The following GABRA2 variants were observed in gnomAD, a reference collection of about 807,000 sequenced individuals.
GABRA2 encodes gamma-aminobutyric acid receptor subunit alpha-2.
Under a neutral mutation model 48.7 loss-of-function variants are expected in GABRA2, and 16 were observed. That is an observed-to-expected ratio of 0.33 (90% CI 0.22 to 0.50). The LOEUF (loss-of-function observed/expected upper bound fraction) is 0.50. Among genes scored for constraint, GABRA2 ranks in the 20% least tolerant of loss-of-function variants. The pLI is 0.98. For missense variants in GABRA2, 275 were observed against 535.6 expected (o/e 0.51, Z 4.80); for synonymous variants, 185 against 184.5 (o/e 1.00, Z -0.02).
rs1207381186 is a variant in GABRA2 at position 46,310,226 on chromosome 4, T to G, written c.506A>C (p.His169Pro). The G allele has an allele frequency of 6.2e-7, 1 of 1,613,792 alleles. No homozygotes were observed. Among genetic ancestry groups the G allele is most frequent in the Non-Finnish European group, 8.5e-7 (1 of 1,179,782 alleles). The change falls in exon 6 of 10, where the codon CAC (histidine) becomes CCC (proline). Residue 169 changes from histidine to proline, a missense_variant. Coordinates refer to ENST00000381620, the MANE Select transcript of GABRA2 (RefSeq NM_000807.4). ...AGCATCCATTGGGAAATCCTCCAAG[T>G]GCATTGGGCATTCAGCTTGAACTGT... The part of the protein sequence containing the change: ...RLTVQAECPM[H>P]LEDFPMDAHS...
chr4:46,373,557 G>T (rs905165738), intron 3 of GABRA2, among the ~76,000 whole-genome samples: 1 of 151,956 alleles, frequency 6.6e-6, no homozygotes, highest in African/African-American at 2.4e-5. Context: ...TAATAATATG[G>T]TTCTATATAT....
At chr4:46,370,967 T>C (rs933306465) in intron 3 of GABRA2, among the ~76,000 whole-genome samples, 1 of 152,082 alleles carries the variant, frequency 6.6e-6, no homozygotes, top group African/African-American at 2.4e-5. Flanking sequence ...TGTAGGTTAC[T>C]GAACTACAGT....
intron 8 of GABRA2, among the ~76,000 whole-genome samples, chr4:46,298,581 C>T (rs922697763): frequency 1.6e-4 from 24 of 152,008 alleles, no homozygotes; most frequent in African/African-American, 5.3e-4. Flanking sequence ...CCCACTTATC[C>T]GTTATTTATT....
chr4:46,256,926 A>G (rs1301170696), intron 9 of GABRA2, among the ~76,000 whole-genome samples: 2 of 151,666 alleles, frequency 1.3e-5, no homozygotes, highest in Non-Finnish European at 3.0e-5. Flanking sequence ...GTAAATTATT[A>G]TCTAGTGTTT....
chr4:46,379,958 C>G (rs1236522242), intron 3 of GABRA2, among the ~76,000 whole-genome samples: 1 of 152,150 alleles, frequency 6.6e-6, no homozygotes, highest in Non-Finnish European at 1.5e-5. Context: ...CATGTTCTCT[C>G]TCTCTCGATG....
Position 46,249,896 on chromosome 4 carries a change from G to A in GABRA2, c.*412C>T, listed in dbSNP as rs1315772181. On this transcript the variant is annotated 3_prime_UTR_variant, in exon 10 of 10. Coordinates refer to ENST00000381620, the MANE Select transcript of GABRA2 (RefSeq NM_000807.4). ...AGATACAATGTTTGTTACTTCAAAGGATTCATCTAGGAATGACAATGTTAT... is the reference window on the plus strand; with the variant it reads ...AGATACAATGTTTGTTACTTCAAAGAATTCATCTAGGAATGACAATGTTAT... The A allele has an allele frequency of 6.1e-6, 1 of 164,732 alleles. No homozygotes were observed. Among genetic ancestry groups the A allele is most frequent in the South Asian group, 1.6e-4 (1 of 6,244 alleles). The allele number at this position is 164,732 out of a possible 1,614,324, so 10.2% of individuals were successfully genotyped here.
intron 4 of GABRA2, among the ~76,000 whole-genome samples, chr4:46,325,770 T>C (rs1730252453): frequency 6.6e-6 from 1 of 151,906 alleles, no homozygotes; most frequent in South Asian, 2.1e-4. Context: ...AAAAGAAGGG[T>C]CCAGTTTCAG....
chr4:46,273,396 G>GTGTA (rs1290222933), intron 8 of GABRA2, among the ~76,000 whole-genome samples: 1 of 148,204 alleles, frequency 6.7e-6, no homozygotes, highest in Non-Finnish European at 1.5e-5. Flanking sequence ...GTGTGTGTGT[G>GTGTA]TGTGTGTATG....
At chr4:46,297,640 C>CT (rs1725004029) in intron 8 of GABRA2, among the ~76,000 whole-genome samples, 2 of 150,846 alleles carry the variant, frequency 1.3e-5, no homozygotes, top group South Asian at 4.2e-4. Context: ...AATTTTCTCT[C>CT]TTTTTCTGAG....
chr4:46,305,054 A>G (rs1383046299), intron 7 of GABRA2, among the ~76,000 whole-genome samples: 2 of 152,000 alleles, frequency 1.3e-5, no homozygotes, highest in Non-Finnish European at 2.9e-5. Flanking sequence ...GCAACTATTA[A>G]TCTTTGAATC....
At chr4:46,259,061 C>T (rs1218851827) in intron 9 of GABRA2, among the ~76,000 whole-genome samples, 2 of 151,592 alleles carry the variant, frequency 1.3e-5, no homozygotes, top group Admixed American at 6.6e-5. Flanking sequence ...TCTTCATAAG[C>T]TGAAAGAAAG....
rs1713746183 is a variant in GABRA2, at chr4:46,246,557, G to T, written c.*3751C>A. Among the ~76,000 whole-genome samples, 1 of 151,044 alleles carries T rather than the reference G, an allele frequency of 6.6e-6. No homozygotes were observed. The highest frequency in any genetic ancestry group is 2.4e-5 in the African/African-American group (1 of 41,316). On this transcript the variant is annotated 3_prime_UTR_variant, in exon 10 of 10. Transcript: ENST00000381620. ...GTGCCTATGGGACCTCAATTAAAAGGAAAATGAATGGCACTATAGGGTAGC... is the reference window on the plus strand; with the variant it reads ...GTGCCTATGGGACCTCAATTAAAAGTAAAATGAATGGCACTATAGGGTAGC...
intron 3 of GABRA2, among the ~76,000 whole-genome samples, chr4:46,360,242 T>C (rs1239658247): frequency 6.6e-6 from 1 of 152,206 alleles, no homozygotes; most frequent in African/African-American, 2.4e-5. Context: ...AATTATGATA[T>C]AGTTTGGCTG....
intron 8 of GABRA2, among the ~76,000 whole-genome samples, chr4:46,269,901 A>G (rs1460696575): frequency 2.6e-5 from 4 of 151,924 alleles, no homozygotes; most frequent in Non-Finnish European, 4.4e-5. Context: ...TAATACAACA[A>G]TTTTAATTTA....
chr4:46,298,367 A>AT (rs1725135398), intron 8 of GABRA2, among the ~76,000 whole-genome samples: 1 of 151,874 alleles, frequency 6.6e-6, no homozygotes, highest in African/African-American at 2.4e-5. Context: ...CTTAACATAT[A>AT]TTTTTCTTAC....
chr4:46,311,419 A>T (rs1200947472), intron 5 of GABRA2, among the ~76,000 whole-genome samples: 1 of 152,224 alleles, frequency 6.6e-6, no homozygotes, highest in Non-Finnish European at 1.5e-5. Flanking sequence ...TTCTGTCTAT[A>T]TATAATGCTG....
At chr4:46,328,035 C>G (rs149631765) in intron 4 of GABRA2, among the ~76,000 whole-genome samples, 1 of 151,376 alleles carries the variant, frequency 6.6e-6, no homozygotes, top group Non-Finnish European at 1.5e-5. Context: ...ATATAGAAAC[C>G]AAGGAAAAAG....
At chr4:46,318,438 T>C (rs992657518) in intron 4 of GABRA2, among the ~76,000 whole-genome samples, 2 of 151,516 alleles carry the variant, frequency 1.3e-5, no homozygotes, top group African/African-American at 2.4e-5. Context: ...TAAAATAATA[T>C]TCTTTGCATA....
rs148116490 is a variant in GABRA2, at chr4:46,317,316, G to A, written c.256-4600C>T. Among the ~76,000 whole-genome samples the A allele has an allele frequency of 6.6e-5, 10 of 151,806 alleles. No homozygotes were observed. In the South Asian group the frequency reaches 1.2e-3, roughly 19 times the overall value. The stretch of plus-strand genomic sequence containing the variant: ...AGCAGGGTAATCAGCTTAGGACAGC[G>A]GCTTACAAAGTAAAGTGTGTGTATC... On this transcript the variant is annotated intron_variant, in intron 4 of 9. Transcript: ENST00000381620.
Sources: allele counts gnomAD v4.1 joint callset (sites outside exome capture counted in the v4.1 genomes callset), GRCh38; gene constraint gnomAD v4.1.1; transcripts MANE v1.5; gene names NCBI Gene and HGNC (gene_info 2026-07-23, HGNC 2026-07-21).